FAR2: variants seen among roughly 807,000 people sequenced by gnomAD.
FAR2 encodes the protein fatty acyl-CoA reductase 2.
FAR2 carries 19 observed loss-of-function variants against 56.0 expected under a neutral mutation model. The observed-to-expected ratio is 0.34, with a 90% confidence interval of 0.24 to 0.50. The LOEUF (loss-of-function observed/expected upper bound fraction) is 0.50, where lower values mean the gene tolerates loss of function less well. FAR2 is among the 20% of genes least tolerant of loss of function. FAR2 has a pLI of 0.98. For synonymous variants in FAR2, 219 were observed against 218.8 expected (o/e 1.00, Z -0.01); for missense variants, 508 against 642.2 (o/e 0.79, Z 2.26).
intron 1 of FAR2, among the ~76,000 whole-genome samples, chr12:29,166,206 A>G (rs1384410474): frequency 6.6e-6 from 1 of 152,272 alleles, no homozygotes; most frequent in Non-Finnish European, 1.5e-5. Context: ...TGATATATTA[A>G]TAGTAAATGG....
chr12:29,224,912 A>G (rs983235559), intron 1 of FAR2, among the ~76,000 whole-genome samples: 1 of 152,212 alleles, frequency 6.6e-6, no homozygotes, highest in Non-Finnish European at 1.5e-5. Context: ...GCATATAAAA[A>G]TAACATGAAT....
intron 2 of FAR2, among the ~76,000 whole-genome samples, chr12:29,276,619 A>G (rs550669775): frequency 3.3e-5 from 5 of 152,332 alleles, no homozygotes; most frequent in African/African-American, 1.2e-4. Flanking sequence ...ATGCTTCAGA[A>G]TATAAGAATG....
At chr12:29,244,158 A>G (rs568644134) in intron 1 of FAR2, among the ~76,000 whole-genome samples, 1 of 152,334 alleles carries the variant, frequency 6.6e-6, no homozygotes, top group East Asian at 1.9e-4. Context: ...GATTGAGTTA[A>G]AAATAATCAA....
At chr12:29,288,421 T>C (rs1278627912) in intron 2 of FAR2, among the ~76,000 whole-genome samples, 1 of 152,196 alleles carries the variant, frequency 6.6e-6, no homozygotes, top group African/African-American at 2.4e-5. Flanking sequence ...TATATTGTTC[T>C]TTATTGGTGG....
chr12:29,295,268 T>G (rs569010429), intron 3 of FAR2, among the ~76,000 whole-genome samples: 58 of 152,094 alleles, frequency 3.8e-4, no homozygotes, highest in Non-Finnish European at 6.5e-4. Context: ...GAGACGGGGT[T>G]TCACAATCAT....
At chr12:29,292,197 C>G (rs1299891188) in intron 2 of FAR2, 1 of 152,112 alleles carries the variant, frequency 6.6e-6, no homozygotes, top group African/African-American at 2.4e-5. Context: ...AAAAGAAAAT[C>G]TAAATATGAC....
At chr12:29,157,061 C>T (rs1205671924) in intron 1 of FAR2, 2 of 143,572 alleles carry the variant, frequency 1.4e-5, no homozygotes, top group East Asian at 2.1e-4. Flanking sequence ...ATTCAATAGA[C>T]ATTTTCCCAC....
At chr12:29,176,398 T>C (rs1379976411) in intron 1 of FAR2, among the ~76,000 whole-genome samples, 1 of 152,224 alleles carries the variant, frequency 6.6e-6, no homozygotes, top group African/African-American at 2.4e-5. Flanking sequence ...ATGAGAACAG[T>C]GAAAGCAGGC....
At chr12:29,328,531 G>T (rs1391789546) in intron 10 of FAR2, among the ~76,000 whole-genome samples, 1 of 152,132 alleles carries the variant, frequency 6.6e-6, no homozygotes, top group Non-Finnish European at 1.5e-5. Context: ...TAAAGAAAAT[G>T]TGGCACATAT....
At chr12:29,201,068 C>CT (rs1487339483) in intron 1 of FAR2, among the ~76,000 whole-genome samples, 1 of 152,144 alleles carries the variant, frequency 6.6e-6, no homozygotes, top group Non-Finnish European at 1.5e-5. Context: ...GCTGCCGCAA[C>CT]TATCCCTTCC....
rs1184271434 is a variant in FAR2 at position 29,307,571 on chromosome 12, G to A, written c.546-87G>A. On this transcript the variant is annotated intron_variant, in intron 4 of 11. Coordinates refer to ENST00000536681, the MANE Select transcript of FAR2 (RefSeq NM_001271783.2). ...ATTCCAGAACCGAGGCTAAAAGGTG[G>A]AAGTTTTGTTTGATTGTGTCTCACA... 14 of 1,335,224 alleles carry A rather than the reference G, an allele frequency of 1.0e-5. No individual in the cohort carries two copies. In the East Asian group the frequency reaches 1.7e-4, roughly 16 times the overall value. 82.7% of individuals were successfully genotyped at this position (1,335,224 alleles called of 1,614,324 possible).
chr12:29,306,939 T>C (rs1949261472), intron 4 of FAR2, among the ~76,000 whole-genome samples: 1 of 152,254 alleles, frequency 6.6e-6, no homozygotes, highest in South Asian at 2.1e-4. Flanking sequence ...ACCTTCAAAA[T>C]GCATTACATA....
At chr12:29,276,628 T>A (rs1417342745) in intron 2 of FAR2, among the ~76,000 whole-genome samples, 1 of 152,228 alleles carries the variant, frequency 6.6e-6, no homozygotes, top group Non-Finnish European at 1.5e-5. Flanking sequence ...AATATAAGAA[T>A]GCTATCGCTG....
chr12:29,263,631 G>A (rs905536182), intron 1 of FAR2, among the ~76,000 whole-genome samples: 1 of 151,292 alleles, frequency 6.6e-6, no homozygotes, highest in Non-Finnish European at 1.5e-5. Flanking sequence ...ATGGGATACA[G>A]TGAAAGCTGG....
intron 1 of FAR2, among the ~76,000 whole-genome samples, chr12:29,249,870 A>G (rs1167062280): frequency 6.6e-6 from 1 of 152,160 alleles, no homozygotes; most frequent in African/African-American, 2.4e-5. Context: ...TCCCTACACC[A>G]ATTTCTCTTA....
intron 1 of FAR2, among the ~76,000 whole-genome samples, chr12:29,186,207 A>C (rs1480578247): frequency 6.6e-6 from 1 of 152,224 alleles, no homozygotes; most frequent in Non-Finnish European, 1.5e-5. Context: ...TTATATATTT[A>C]TACTTAACAG....
chr12:29,179,115 A>G (rs187888811), intron 1 of FAR2, among the ~76,000 whole-genome samples: 2 of 152,164 alleles, frequency 1.3e-5, no homozygotes, highest in African/African-American at 2.4e-5. Context: ...GGCCCACTCT[A>G]AAGACCTCAT....
intron 4 of FAR2, among the ~76,000 whole-genome samples, chr12:29,299,911 C>T (rs1434395218): frequency 1.3e-5 from 2 of 152,222 alleles, no homozygotes; most frequent in Admixed American, 6.5e-5. Flanking sequence ...TTCCCAAGTG[C>T]TCCCATAGTA....
intron 9 of FAR2, among the ~76,000 whole-genome samples, chr12:29,320,352 T>C (rs959076057): frequency 2.0e-5 from 3 of 152,254 alleles, no homozygotes; most frequent in Non-Finnish European, 4.4e-5. Context: ...ATTGAAATCA[T>C]ATCAATTGCA....
Sources: allele counts gnomAD v4.1 joint callset (sites outside exome capture counted in the v4.1 genomes callset), GRCh38; gene constraint gnomAD v4.1.1; transcripts MANE v1.5; gene names NCBI Gene and HGNC (gene_info 2026-07-23, HGNC 2026-07-21).